RFPL4B: variants seen among roughly 807,000 people sequenced by gnomAD.
RFPL4B encodes the protein ret finger protein like 4B.
For missense variants in RFPL4B, 314 were observed against 327.7 expected (o/e 0.96, Z 0.32); for synonymous variants, 118 against 126.3 (o/e 0.93, Z 0.44).
Position 112,350,508 on chromosome 6 carries a change from A to C in RFPL4B, c.*8A>C. ...CTGACCATCTGCCCATGAGAAAGTC[A>C]GCCCTTCCTAGAAGCTTTCTGAGAG... On this transcript the variant is annotated 3_prime_UTR_variant, in exon 3 of 3. Coordinates refer to ENST00000441065, the MANE Select transcript of RFPL4B (RefSeq NM_001013734.3). The C allele has an allele frequency of 6.4e-7, 1 of 1,558,446 alleles. No individual in the cohort carries two copies. Among genetic ancestry groups the C allele is most frequent in the Non-Finnish European group, 8.7e-7 (1 of 1,152,970 alleles).
chr6:112,347,556 A>G (rs1789097167), intron 1 of RFPL4B, 149 bp downstream of exon 1: 1 of 152,236 alleles, frequency 6.6e-6, no homozygotes, highest in African/African-American at 2.4e-5. Context: ...ACCTTTAACT[A>G]TAACTTTGCC....
intron 1 of RFPL4B, among the ~76,000 whole-genome samples, chr6:112,347,873 C>G (rs777345413): frequency 3.9e-5 from 6 of 152,034 alleles, no homozygotes; most frequent in Non-Finnish European, 7.3e-5. Context: ...ACTCAGGAGA[C>G]CGAGGCAGGA....
In RFPL4B at chr6:112,350,620, A is replaced by G; in HGVS notation, c.*120A>G. ...GTGCAAAGACTTGGTAAATTTTTAA[A>G]GTAGATTTTGTAGACTTTGTAGCAA... is the stretch of plus-strand genomic sequence containing the variant. On this transcript the variant is annotated 3_prime_UTR_variant, in exon 3 of 3. Transcript: ENST00000441065. 1.2e-6 allele frequency: 1 copy of G among 810,086 alleles called. No homozygotes were observed. Among genetic ancestry groups the G allele is most frequent in the South Asian group, 2.6e-5 (1 of 38,600 alleles). The allele number at this position is 810,086 out of a possible 1,614,324, so 50.2% of individuals were successfully genotyped here.
intron 1 of RFPL4B, among the ~76,000 whole-genome samples, chr6:112,347,750 GGT>G (rs1789100307): frequency 1.3e-5 from 2 of 152,262 alleles, no homozygotes; most frequent in East Asian, 1.9e-4. Context: ...GGGAGGCTGA[GGT>G]GGGTGGATCA....
chr6:112,348,203 T>C (rs1183210789), intron 1 of RFPL4B, among the ~76,000 whole-genome samples: 2 of 152,198 alleles, frequency 1.3e-5, no homozygotes, highest in East Asian at 3.8e-4. Context: ...GGTTAGGCAA[T>C]TAGATTTCCA....
rs11153361 is a variant in RFPL4B at position 112,350,409 on chromosome 6, G to T, written c.701G>T (p.Gly234Val). Reference sequence around the variant, plus strand: ...AATGTCCTCATCTATACACATGATGGTTTCTTCTCTTTGGAGCTTTTGTGT... The same window carrying T: ...AATGTCCTCATCTATACACATGATGTTTTCTTCTCTTTGGAGCTTTTGTGT... ...DNNVLIYTHD[G>V]FFSLELLCPF... Residue 234 changes from glycine to valine, a missense_variant, in exon 3 of 3, where the codon GGT becomes GTT. Transcript: ENST00000441065. 3 of 1,613,674 alleles carry T rather than the reference G, an allele frequency of 1.9e-6. No homozygotes were observed. The highest frequency in any genetic ancestry group is 2.2e-5 in the East Asian group (1 of 44,874).
At chr6:112,348,660 T>C (rs1311322313) in intron 1 of RFPL4B, among the ~76,000 whole-genome samples, 1 of 152,212 alleles carries the variant, frequency 6.6e-6, no homozygotes, top group Non-Finnish European at 1.5e-5. Flanking sequence ...TGGAGAACAG[T>C]CCTCTGTTCA....
In RFPL4B at chr6:112,350,812, T is replaced by G. The variant is rs1412853882; in HGVS notation, c.*312T>G. On this transcript the variant is annotated 3_prime_UTR_variant, in exon 3 of 3. Transcript: ENST00000441065. ...GTAATTAGAGACAATACTATGCCTT[T>G]GTCTTATAGTAAATAACAAATAGAG... 4.1e-6 allele frequency: 1 copy of G among 243,242 alleles called. No homozygotes were observed. Among genetic ancestry groups the G allele is most frequent in the Non-Finnish European group, 8.6e-6 (1 of 116,610 alleles). 15.1% of individuals were successfully genotyped at this position (243,242 alleles called of 1,614,324 possible).
At chr6:112,347,636 A>T (rs546577688) in intron 1 of RFPL4B, among the ~76,000 whole-genome samples, 117 of 152,370 alleles carry the variant, frequency 7.7e-4, no homozygotes, top group Non-Finnish European at 1.5e-3. Context: ...GTTTTCAACT[A>T]CAATGGATTT....
Position 112,350,658 on chromosome 6 carries a change from A to G in RFPL4B, c.*158A>G. 1.7e-6 allele frequency: 1 copy of G among 602,420 alleles called. No individual in the cohort carries two copies. Among genetic ancestry groups the G allele is most frequent in the Non-Finnish European group, 2.8e-6 (1 of 357,852 alleles). 37.3% of individuals were successfully genotyped at this position (602,420 alleles called of 1,614,324 possible). The stretch of plus-strand genomic sequence containing the variant: ...GACTTTGTAGCAAAACAATTTTCGG[A>G]TTTTTGGGGTAAATTTTGTGGAATT... On this transcript the variant is annotated 3_prime_UTR_variant, in exon 3 of 3. Coordinates refer to ENST00000441065, the MANE Select transcript of RFPL4B (RefSeq NM_001013734.3).
In RFPL4B at chr6:112,347,367, T is replaced by TTC. The variant is rs1250003186; in HGVS notation, c.-274_-273dup. On this transcript the variant is annotated 5_prime_UTR_variant, in exon 1 of 3. Coordinates refer to ENST00000441065, the MANE Select transcript of RFPL4B (RefSeq NM_001013734.3). Reference sequence around the variant, plus strand: ...GGTCTGTAGAGGTAGAGACGTAGGCTTCGGATCTTTTAGAATTCTGCTGGA... The same window carrying TTC: ...GGTCTGTAGAGGTAGAGACGTAGGCTTCTCGGATCTTTTAGAATTCTGCTGGA... 6.6e-6 allele frequency: 1 copy of TTC among 152,196 alleles called. No homozygotes were observed. Among genetic ancestry groups the TTC allele is most frequent in the Non-Finnish European group, 1.5e-5 (1 of 68,042 alleles). The allele number at this position is 152,196 out of a possible 1,614,324, so 9.4% of individuals were successfully genotyped here. A position where few individuals can be genotyped will look rare whatever the true frequency, so the allele number is the denominator to read the frequency against.
In RFPL4B at chr6:112,350,765, G is replaced by C; in HGVS notation, c.*265G>C. ...TTCTAGTCTGTAGATGCGGATAATT[G>C]TATCTCAGTCAAACAGCTGTGGTAA... On this transcript the variant is annotated 3_prime_UTR_variant, in exon 3 of 3. Coordinates refer to ENST00000441065, the MANE Select transcript of RFPL4B (RefSeq NM_001013734.3). The C allele has an allele frequency of 2.8e-6, 1 of 362,696 alleles. No individual in the cohort carries two copies. The highest frequency in any genetic ancestry group is 4.2e-5 in the Admixed American group (1 of 23,752). The allele number at this position is 362,696 out of a possible 1,614,324, so 22.5% of individuals were successfully genotyped here.
At chr6:112,347,588 C>CCT (rs1381718241) in intron 1 of RFPL4B, among the ~76,000 whole-genome samples, 181 bp downstream of exon 1, 34 of 152,210 alleles carry the variant, frequency 2.2e-4, no homozygotes, top group Admixed American at 7.2e-4. Context: ...TACATATGAA[C>CCT]CTCAGGTCAC....
chr6:112,349,957 T>C lies in RFPL4B; in HGVS notation c.249T>C (p.Ser83=). 1 of 1,614,212 alleles carries C rather than the reference T, an allele frequency of 6.2e-7. No homozygotes were observed. The part of the protein sequence containing the change: ...TKQHNSRLEQ[S]LHVREELRHF... ...AGCACAATAGCCGACTTGAGCAAAGTCTGCACGTGAGGGAGGAGCTCCGGC... is the reference window on the plus strand; with the variant it reads ...AGCACAATAGCCGACTTGAGCAAAGCCTGCACGTGAGGGAGGAGCTCCGGC... The change falls in exon 3 of 3, where the codon AGT becomes AGC. Residue 83 remains serine (S), a synonymous_variant. Transcript: ENST00000441065.
intron 2 of RFPL4B, 76 bp from the exon 3 acceptor site, chr6:112,349,524 ATTAT>A (rs1789122789): frequency 5.2e-6 from 1 of 193,856 alleles, no homozygotes; most frequent in Non-Finnish European, 1.0e-5. Context: ...TAAATTTATT[ATTAT>A]TTATTAAATA....
chr6:112,348,725 T>C (rs988467179), intron 1 of RFPL4B, among the ~76,000 whole-genome samples: 12 of 152,174 alleles, frequency 7.9e-5, no homozygotes. Flanking sequence ...GTCATGGGTC[T>C]AGCCTGGTCC....
Position 112,349,647 on chromosome 6 carries a change from C to A in RFPL4B, c.-62C>A. The A allele has an allele frequency of 6.8e-7, 1 of 1,480,300 alleles. No individual in the cohort carries two copies. Among genetic ancestry groups the A allele is most frequent in the Non-Finnish European group, 9.3e-7 (1 of 1,078,570 alleles). The allele number at this position is 1,480,300 out of a possible 1,614,324, so 91.7% of individuals were successfully genotyped here. On this transcript the variant is annotated 5_prime_UTR_variant, in exon 3 of 3. Transcript: ENST00000441065. ...GTGTACTGAGGGCTCCCAAGTGCTT[C>A]CAGAAGCCAATAAAGGATCACTTCA...
Position 112,349,851 on chromosome 6 carries a change from T to A in RFPL4B, c.143T>A (p.Met48Lys). The change falls in exon 3 of 3, where the codon ATG becomes AAG. Residue 48 changes from methionine to lysine, a missense_variant. By Grantham distance (95) the Met-to-Lys change is moderately conservative (BLOSUM62 -1). Coordinates refer to ENST00000441065, the MANE Select transcript of RFPL4B (RefSeq NM_001013734.3). ...CTAGAAAACCATGATTTTAGAGCGA[T>A]GTGCCCCTTGTGTCGAGACGTGGTG... ...YILENHDFRA[M>K]CPLCRDVVKV... 6.2e-7 allele frequency: 1 copy of A among 1,614,182 alleles called. No homozygotes were observed. Among genetic ancestry groups the A allele is most frequent in the South Asian group, 1.1e-5 (1 of 91,088 alleles).
Position 112,350,575 on chromosome 6 carries a change from G to A in RFPL4B, c.*75G>A, listed in dbSNP as rs561447143. ...GCCTGAGAAAGGTCAGCATGATTGAGGAAGAGATAATGTGCTATAGTGCAA... is the reference window on the plus strand; with the variant it reads ...GCCTGAGAAAGGTCAGCATGATTGAAGAAGAGATAATGTGCTATAGTGCAA... On this transcript the variant is annotated 3_prime_UTR_variant, in exon 3 of 3. Transcript: ENST00000441065. The A allele has an allele frequency of 5.2e-6, 6 of 1,153,722 alleles. No homozygotes were observed. Among genetic ancestry groups the A allele is most frequent in the South Asian group, 3.1e-5 (2 of 64,940 alleles). 71.5% of individuals were successfully genotyped at this position (1,153,722 alleles called of 1,614,324 possible).
Sources: gnomAD v4.1 joint callset for allele counts (sites outside exome capture counted in the v4.1 genomes callset) on GRCh38, gnomAD v4.1.1 for gene constraint, MANE v1.5 for transcripts, NCBI Gene and HGNC (gene_info 2026-07-23, HGNC 2026-07-21) for gene names.